The following ZNF782 variants were observed in gnomAD, a reference collection of about 807,000 sequenced individuals.
ZNF782 encodes the protein zinc finger protein 782.
In ZNF782, 12 loss-of-function variants were observed where a neutral mutation model predicts 13.0. The ratio of observed to expected loss-of-function variants is 0.92; its 90% confidence interval spans 0.59 to 1.50. The LOEUF (loss-of-function observed/expected upper bound fraction) is 1.50. ZNF782 is among the 40% of genes most tolerant of loss of function. The probability of loss-of-function intolerance (pLI) is 0.00; values close to 1 mark genes in which losing one functional copy is unlikely to be tolerated. For synonymous variants in ZNF782, 284 were observed against 283.0 expected (o/e 1.00, Z -0.04); for missense variants, 770 against 822.9 (o/e 0.94, Z 0.79).
At position 96,816,444 on chromosome 9, in the gene ZNF782, C is replaced by G. The variant is rs1349306756; in HGVS notation, c.*1479G>C. ...ACATACATAAACAATCAATAACTCA[C>G]AAAACATTCACATATTTGCAACACT... On this transcript the variant is annotated 3_prime_UTR_variant, in exon 6 of 6. Transcript: ENST00000481138. 1 of 152,170 alleles carries G rather than the reference C, an allele frequency of 6.6e-6. No individual in the cohort carries two copies. Among genetic ancestry groups the G allele is most frequent in the Non-Finnish European group, 1.5e-5 (1 of 68,032 alleles). 9.4% of individuals were successfully genotyped at this position (152,170 alleles called of 1,614,324 possible).
intron 4 of ZNF782, among the ~76,000 whole-genome samples, chr9:96,841,590 A>G (rs1564006354): frequency 6.6e-6 from 1 of 151,980 alleles, no homozygotes; most frequent in Non-Finnish European, 1.5e-5. Flanking sequence ...TAGTCAACAA[A>G]GTCTATTACA....
the ZNF782 span, among the ~76,000 whole-genome samples, chr9:96,912,504 A>C: frequency 2.7e-5 from 4 of 149,846 alleles, no homozygotes; most frequent in Non-Finnish European, 5.9e-5. Flanking sequence ...AAAAACAAAA[A>C]GGCCAGAGAT....
At chr9:96,925,472 T>C in the ZNF782 span, among the ~76,000 whole-genome samples, 4 of 151,992 alleles carry the variant, frequency 2.6e-5, no homozygotes, top group African/African-American at 7.3e-5. Flanking sequence ...ATCCCGTCTC[T>C]ACCAAAAATA....
At chr9:96,852,594 C>T (rs1851528861) in intron 2 of ZNF782, among the ~76,000 whole-genome samples, 2 of 152,170 alleles carry the variant, frequency 1.3e-5, no homozygotes, top group Non-Finnish European at 1.5e-5. Flanking sequence ...CTGCAGTGAG[C>T]CATGTTTGTG....
the ZNF782 span, among the ~76,000 whole-genome samples, chr9:96,918,335 C>T: frequency 1.4e-5 from 2 of 145,050 alleles, no homozygotes; most frequent in South Asian, 2.2e-4. Flanking sequence ...GCTTCAACTC[C>T]GGAGGCGGAG....
chr9:96,819,449 T>G lies in ZNF782; in HGVS notation c.574A>C (p.Ile192Leu). 1 of 1,613,936 alleles carries G rather than the reference T, an allele frequency of 6.2e-7. No individual in the cohort carries two copies. Among genetic ancestry groups the G allele is most frequent in the Non-Finnish European group, 8.5e-7 (1 of 1,179,990 alleles). Residue 192 changes from isoleucine (I) to leucine (L), a missense_variant, in exon 6 of 6, where the codon ATT becomes CTT. Transcript: ENST00000481138. ...TQEKSFAYSK[I>L]VKTLHHKEEV... ...TCCTTATGATGGAGGGTTTTCACAATTTTACTATAAGCGAAAGATTTCTCT... is the reference window on the plus strand; with the variant it reads ...TCCTTATGATGGAGGGTTTTCACAAGTTTACTATAAGCGAAAGATTTCTCT...
chr9:96,840,247 G>C (rs1851146229), intron 4 of ZNF782, among the ~76,000 whole-genome samples: 1 of 151,964 alleles, frequency 6.6e-6, no homozygotes, highest in Admixed American at 6.6e-5. Context: ...AGGTGTACTG[G>C]TTCTTTTTCA....
chr9:96,842,343 A>G (rs1044432675), intron 4 of ZNF782, among the ~76,000 whole-genome samples: 1 of 152,054 alleles, frequency 6.6e-6, no homozygotes, highest in Admixed American at 6.6e-5. Context: ...TATTATTACA[A>G]TATGTATATG....
the ZNF782 span, among the ~76,000 whole-genome samples, chr9:96,882,464 A>C: frequency 6.6e-6 from 1 of 152,206 alleles, no homozygotes; most frequent in Admixed American, 6.5e-5. Context: ...GGCTTCCTTT[A>C]ATCAGGTATT....
upstream of ZNF782, among the ~76,000 whole-genome samples, chr9:96,876,691 A>G (rs1851895425): frequency 6.6e-6 from 1 of 152,192 alleles, no homozygotes; most frequent in Admixed American, 6.5e-5. Context: ...ACCAAAAAAT[A>G]CGCACAACGC....
the ZNF782 span, among the ~76,000 whole-genome samples, chr9:96,913,238 C>A: frequency 6.6e-6 from 1 of 152,126 alleles, no homozygotes; most frequent in African/African-American, 2.4e-5. Flanking sequence ...CCACTTGAAC[C>A]TGGGAGGCGG....
intron 1 of ZNF782, among the ~76,000 whole-genome samples, chr9:96,863,663 C>G (rs892400396): frequency 1.3e-5 from 2 of 152,120 alleles, no homozygotes; most frequent in Non-Finnish European, 2.9e-5. Flanking sequence ...ATATGCACCA[C>G]GGAATACTGC....
At chr9:96,822,766 A>G (rs925210061) in intron 5 of ZNF782, among the ~76,000 whole-genome samples, 2 of 152,140 alleles carry the variant, frequency 1.3e-5, no homozygotes, top group South Asian at 4.1e-4. Context: ...AGGTTCTAAT[A>G]TGCATGTTTT....
chr9:96,855,458 C>T (rs923764283), upstream of ZNF782, among the ~76,000 whole-genome samples: 8 of 152,210 alleles, frequency 5.3e-5, no homozygotes, highest in Non-Finnish European at 7.3e-5. Flanking sequence ...TATTCTTATG[C>T]CTTTGCATTC....
At position 96,827,138 on chromosome 9, in the gene ZNF782, T is replaced by C. The variant is rs1210729768; in HGVS notation, c.186A>G (p.Gln62=). ...TKPELIFTLE[Q]GEDPWLLEKE... ...TCTCTAATAACCATGGATCTTCTCCTTGTTCCAATGTGAAGATCAGTTCTG... is the reference window on the plus strand; with the variant it reads ...TCTCTAATAACCATGGATCTTCTCCCTGTTCCAATGTGAAGATCAGTTCTG... Residue 62 remains glutamine, a synonymous_variant, in exon 5 of 6, where the codon CAA becomes CAG. Coordinates refer to ENST00000481138, the MANE Select transcript of ZNF782 (RefSeq NM_001001662.3). 1 of 1,612,910 alleles carries C rather than the reference T, an allele frequency of 6.2e-7. No homozygotes were observed. Among genetic ancestry groups the C allele is most frequent in the Admixed American group, 1.7e-5 (1 of 59,890 alleles).
intron 4 of ZNF782, among the ~76,000 whole-genome samples, chr9:96,837,365 T>C (rs1243876303): frequency 6.6e-6 from 1 of 152,260 alleles, no homozygotes; most frequent in African/African-American, 2.4e-5. Context: ...GTTTTATTTC[T>C]GTAGAATTGC....
the ZNF782 span, among the ~76,000 whole-genome samples, chr9:96,903,556 GTT>G: frequency 8.0e-5 from 6 of 75,460 alleles, no homozygotes; most frequent in Non-Finnish European, 1.3e-4. Flanking sequence ...TTTTATGTTG[GTT>G]TTTTTTTTTT....
At chr9:96,845,948 A>C (rs73654609) in intron 3 of ZNF782, among the ~76,000 whole-genome samples, 5,975 of 152,298 alleles carry the variant, frequency 0.039, 380 homozygotes, top group African/African-American at 0.13. Context: ...GAGCACTAAG[A>C]TAAAAGCATC....
At chr9:96,856,704 T>C (rs1851646727), upstream of ZNF782, among the ~76,000 whole-genome samples, 1 of 151,952 alleles carries the variant, frequency 6.6e-6, no homozygotes, top group Non-Finnish European at 1.5e-5. Flanking sequence ...GGACAGATGA[T>C]TGATAGATGT....
Sources: allele counts gnomAD v4.1 joint callset (sites outside exome capture counted in the v4.1 genomes callset), GRCh38; gene constraint gnomAD v4.1.1; transcripts MANE v1.5; gene names NCBI Gene and HGNC (gene_info 2026-07-23, HGNC 2026-07-21).